CFL2: variants seen among roughly 807,000 people sequenced by gnomAD.
CFL2 encodes cofilin 2.
CFL2 carries 10 observed loss-of-function variants against 19.6 expected under a neutral mutation model. The observed-to-expected ratio is 0.51, with a 90% CI of 0.31 to 0.86. The LOEUF (loss-of-function observed/expected upper bound fraction) is 0.86, where lower values mean the gene tolerates loss of function less well. Among genes scored for constraint, CFL2 ranks in the 40% least tolerant of loss-of-function variants. CFL2 has a pLI of 0.04. For synonymous variants in CFL2, 63 were observed against 66.7 expected, an observed-to-expected ratio of 0.95 and a Z score of 0.27; for missense variants, 125 against 192.1, an observed-to-expected ratio of 0.65 and a Z score of 2.06.
At position 34,712,106 on chromosome 14, in the gene CFL2, A is replaced by C. The variant is rs1289288026; in HGVS notation, c.*759T>G. 1 of 454,450 alleles carries C rather than the reference A, an allele frequency of 2.2e-6. No homozygotes were observed. The highest frequency in any genetic ancestry group is 4.4e-6 in the Non-Finnish European group (1 of 226,784). The allele number at this position is 454,450 out of a possible 1,614,324, so 28.2% of individuals were successfully genotyped here. ...TGTTCCATTTAAGGCTCTTTTATAC[A>C]GAAATTGCCATCATGACTGATATTC... On this transcript the variant is annotated 3_prime_UTR_variant, in exon 4 of 4. Transcript: ENST00000298159.
chr14:34,713,138 T>C lies in CFL2; in HGVS notation c.312-2A>G. 6.4e-7 allele frequency: 1 copy of C among 1,554,358 alleles called. No homozygotes were observed. The highest frequency in any genetic ancestry group is 8.7e-7 in the Non-Finnish European group (1 of 1,154,534). On this transcript the variant is annotated splice_acceptor_variant, in intron 2 of 3. Coordinates refer to ENST00000298159, the MANE Select transcript of CFL2 (RefSeq NM_138638.5). LOFTEE classifies it high-confidence loss of function. ...TTTAAAGGTGCACTTTCAGGAGCCC[T>C]ACAGAAAAAAAAAAAATTATTGAAT...
In CFL2 at chr14:34,713,502, CCTTA is replaced by C; in HGVS notation, c.59_62del (p.Val20GlyfsTer20). 6.2e-7 allele frequency: 1 copy of C among 1,613,946 alleles called. No homozygotes were observed. The highest frequency in any genetic ancestry group is 1.3e-5 in the African/African-American group (1 of 75,022). On this transcript the variant is annotated frameshift_variant, in exon 2 of 4. Coordinates refer to ENST00000298159, the MANE Select transcript of CFL2 (RefSeq NM_138638.5). LOFTEE classifies it high-confidence loss of function. ...TGATCTCCTCTTGTGTAGAAGATTT[CCTTA>C]CTTTCATATCATTAAAAACTTTGAT...
chr14:34,710,624 A>G lies in CFL2; in HGVS notation c.*2241T>C, dbSNP rs1466873532. 4.6e-6 allele frequency: 2 copies of G among 433,366 alleles called. No individual in the cohort carries two copies. The highest frequency in any genetic ancestry group is 4.1e-5 in the African/African-American group (2 of 48,780). 26.8% of individuals were successfully genotyped at this position (433,366 alleles called of 1,614,324 possible). On this transcript the variant is annotated 3_prime_UTR_variant, in exon 4 of 4. Transcript: ENST00000298159. The stretch of plus-strand genomic sequence containing the variant: ...TTCAAATGCCAAATTAATCTCAAAT[A>G]ACAAGTGAACTATTATTAATTTTAT...
rs1315039573 is a variant in CFL2 at position 34,710,617 on chromosome 14, C to T, written c.*2248G>A. The T allele has an allele frequency of 7.0e-6, 3 of 430,456 alleles. No homozygotes were observed. In the East Asian group the frequency reaches 2.1e-4, roughly 30 times the overall value. 26.7% of individuals were successfully genotyped at this position (430,456 alleles called of 1,614,324 possible). ...TGATCATTTCAAATGCCAAATTAAT[C>T]TCAAATAACAAGTGAACTATTATTA... On this transcript the variant is annotated 3_prime_UTR_variant, in exon 4 of 4. Coordinates refer to ENST00000298159, the MANE Select transcript of CFL2 (RefSeq NM_138638.5).
At chr14:34,714,258 G>A in intron 1 of CFL2, 1 of 452,342 alleles carries the variant, frequency 2.2e-6, no homozygotes, top group Non-Finnish European at 3.8e-6. Context: ...GGCGCGAGCG[G>A]CTGCAGTCCG....
In CFL2 at chr14:34,712,493, G is replaced by C. The variant is rs552199121; in HGVS notation, c.*372C>G. On this transcript the variant is annotated 3_prime_UTR_variant, in exon 4 of 4. Transcript: ENST00000298159. The stretch of plus-strand genomic sequence containing the variant: ...ACTATAAATAATACTGAAAAAAGTT[G>C]ACCATCTGACCAGTGGATAATACTT... 4.3e-6 allele frequency: 2 copies of C among 460,948 alleles called. No homozygotes were observed. 28.6% of individuals were successfully genotyped at this position (460,948 alleles called of 1,614,324 possible).
intron 1 of CFL2, 197 bp downstream of exon 1, chr14:34,714,341 C>CA: frequency 1.1e-6 from 1 of 926,032 alleles, no homozygotes; most frequent in Non-Finnish European, 1.5e-6. Flanking sequence ...CTCCCCGCCC[C>CA]CCAAAATCCA....
chr14:34,711,245 A>G lies in CFL2; in HGVS notation c.*1620T>C, dbSNP rs943154114. ...AGCATTCCTCTGAGCTATGGGGTTAAGTTCTGAGCCACGACTGACTGCTTA... is the reference window on the plus strand; with the variant it reads ...AGCATTCCTCTGAGCTATGGGGTTAGGTTCTGAGCCACGACTGACTGCTTA... On this transcript the variant is annotated 3_prime_UTR_variant, in exon 4 of 4. Coordinates refer to ENST00000298159, the MANE Select transcript of CFL2 (RefSeq NM_138638.5). 31 of 454,500 alleles carry G rather than the reference A, an allele frequency of 6.8e-5. No individual in the cohort carries two copies. The highest frequency in any genetic ancestry group is 1.3e-4 in the Non-Finnish European group (29 of 226,780). The allele number at this position is 454,500 out of a possible 1,614,324, so 28.2% of individuals were successfully genotyped here.
Position 34,710,205 on chromosome 14 carries a change from A to C in CFL2, c.*2660T>G, listed in dbSNP as rs2090306914. The C allele has an allele frequency of 5.3e-6, 1 of 189,164 alleles. No homozygotes were observed. The allele number at this position is 189,164 out of a possible 1,614,324, so 11.7% of individuals were successfully genotyped here. A position where few individuals can be genotyped will look rare whatever the true frequency, so the allele number is the denominator to read the frequency against. On this transcript the variant is annotated 3_prime_UTR_variant, in exon 4 of 4. Transcript: ENST00000298159. ...CCACACTATTTTAGATAATGATGGA[A>C]AACAACAGCTGATAGCCAGTTTGGG...
In CFL2 at chr14:34,713,454, G is replaced by A; in HGVS notation, c.111C>T (p.Leu37=). The A allele has an allele frequency of 6.2e-7, 1 of 1,614,062 alleles. No homozygotes were observed. The highest frequency in any genetic ancestry group is 8.5e-7 in the Non-Finnish European group (1 of 1,179,966). The change falls in exon 2 of 4, where the codon CTC becomes CTT. Residue 37 remains leucine (L), a synonymous_variant. Transcript: ENST00000298159. ...GTCTTTTGTCATCGCTTAAACAGAA[G>A]AGAACTGCTTTCTTTCTCTTTTTGA... ...EEIKKRKKAV[L]FCLSDDKRQI...
chr14:34,712,898 A>T lies in CFL2; in HGVS notation c.468T>A (p.Asn156Lys), dbSNP rs1259462814. The T allele has an allele frequency of 1.9e-6, 3 of 1,603,874 alleles. No individual in the cohort carries two copies. The Admixed American group carries it at 5.0e-5, about 27-fold the overall frequency. The change falls in exon 4 of 4, where the codon AAT becomes AAA. Residue 156 changes from asparagine (N) to lysine (K), a missense_variant. Coordinates refer to ENST00000298159, the MANE Select transcript of CFL2 (RefSeq NM_138638.5). ...GTTTTCCTTCAAGTGAAACTACTAC[A>T]TTGCCTCCCAATTTCTCTCCAAGTG... ...RSTLGEKLGG[N>K]VVVSLEGKPL
In CFL2 at chr14:34,711,243, T is replaced by G. The variant is rs1566523045; in HGVS notation, c.*1622A>C. 1 of 454,578 alleles carries G rather than the reference T, an allele frequency of 2.2e-6. No individual in the cohort carries two copies. The highest frequency in any genetic ancestry group is 2.0e-5 in the African/African-American group (1 of 50,140). 28.2% of individuals were successfully genotyped at this position (454,578 alleles called of 1,614,324 possible). Reference sequence around the variant, plus strand: ...AAAGCATTCCTCTGAGCTATGGGGTTAAGTTCTGAGCCACGACTGACTGCT... The same window carrying G: ...AAAGCATTCCTCTGAGCTATGGGGTGAAGTTCTGAGCCACGACTGACTGCT... On this transcript the variant is annotated 3_prime_UTR_variant, in exon 4 of 4. Transcript: ENST00000298159.
chr14:34,713,876 A>T, intron 1 of CFL2: 1 of 1,457,640 alleles, frequency 6.9e-7, no homozygotes, highest in Non-Finnish European at 9.1e-7. Flanking sequence ...CAGCAAAAAT[A>T]CCTTCTGTAT....
At position 34,713,361 on chromosome 14, in the gene CFL2, G is replaced by C; in HGVS notation, c.204C>G (p.Tyr68Ter). The C allele has an allele frequency of 1.2e-6, 2 of 1,613,982 alleles. No individual in the cohort carries two copies. The highest frequency in any genetic ancestry group is 1.7e-6 in the Non-Finnish European group (2 of 1,179,888). The change falls in exon 2 of 4, where the codon TAC becomes TAG. Residue 68 changes from tyrosine to a stop codon, truncating the protein, a stop_gained. Transcript: ENST00000298159. LOFTEE classifies it high-confidence loss of function. The part of the protein sequence containing the change: ...GDIGDTVEDP[Y>*]TSFVKLLPLN... ...GAGGTAGCAACTTCACAAAAGATGTGTAGGGGTCCTCTACAGTATCACCAA... is the reference window on the plus strand; with the variant it reads ...GAGGTAGCAACTTCACAAAAGATGTCTAGGGGTCCTCTACAGTATCACCAA...
Position 34,709,188 on chromosome 14 carries a change from A to T in CFL2, c.*3677T>A, listed in dbSNP as rs143696965. On this transcript the variant is annotated 3_prime_UTR_variant, in exon 4 of 4. Coordinates refer to ENST00000298159, the MANE Select transcript of CFL2 (RefSeq NM_138638.5). ...TAAGAATGAATAGTTTAAACAGATT[A>T]TTGCATTTACATAGCATTTTCCTGT... 513 of 152,260 alleles carry T rather than the reference A, an allele frequency of 3.4e-3. 7 individuals carry two copies. Among genetic ancestry groups the T allele is most frequent in the African/African-American group, 0.012 (482 of 41,546 alleles). 9.4% of individuals were successfully genotyped at this position (152,260 alleles called of 1,614,324 possible).
rs1277299654 is a variant in CFL2 at position 34,711,464 on chromosome 14, G to C, written c.*1401C>G. ...GCCAAATCCCACTACTAATGTTTAA[G>C]ACTGCTATTATCAATTCCTATTCCA... On this transcript the variant is annotated 3_prime_UTR_variant, in exon 4 of 4. Transcript: ENST00000298159. The C allele has an allele frequency of 2.7e-6, 1 of 363,724 alleles. No homozygotes were observed. The highest frequency in any genetic ancestry group is 4.3e-5 in the African/African-American group (1 of 23,016). 22.5% of individuals were successfully genotyped at this position (363,724 alleles called of 1,614,324 possible). A position where few individuals can be genotyped will look rare whatever the true frequency, so the allele number is the denominator to read the frequency against.
At position 34,712,929 on chromosome 14, in the gene CFL2, C is replaced by T. The variant is rs1008143116; in HGVS notation, c.437G>A (p.Arg146His). ...QVNGLDDIKDRSTLGEKLGGN... is the reference protein window; with the variant it reads ...QVNGLDDIKDHSTLGEKLGGN... ...TCCCAATTTCTCTCCAAGTGTCGAA[C>T]GGTCCTTAATATCATCCAAGCCATT... Residue 146 changes from arginine to histidine, a missense_variant, in exon 4 of 4, where the codon CGT (arginine) becomes CAT (histidine). By Grantham distance (29) the Arg-to-His change is conservative (BLOSUM62 0). Transcript: ENST00000298159. The T allele has an allele frequency of 1.2e-6, 2 of 1,611,574 alleles. No individual in the cohort carries two copies. Among genetic ancestry groups the T allele is most frequent in the Non-Finnish European group, 1.7e-6 (2 of 1,177,848 alleles).
chr14:34,713,753 C>T, intron 1 of CFL2, 192 bp from the exon 2 acceptor site: 1 of 1,611,980 alleles, frequency 6.2e-7, no homozygotes, highest in Non-Finnish European at 8.5e-7. Flanking sequence ...TCATCCTGCC[C>T]ATTCATCCTT....
Position 34,709,712 on chromosome 14 carries a change from G to A in CFL2, c.*3153C>T, listed in dbSNP as rs914769719. 6.1e-5 allele frequency: 9 copies of A among 147,918 alleles called. No individual in the cohort carries two copies. The highest frequency in any genetic ancestry group is 1.3e-4 in the Non-Finnish European group (9 of 67,536). 9.2% of individuals were successfully genotyped at this position (147,918 alleles called of 1,614,324 possible). A position where few individuals can be genotyped will look rare whatever the true frequency, so the allele number is the denominator to read the frequency against. On this transcript the variant is annotated 3_prime_UTR_variant, in exon 4 of 4. Transcript: ENST00000298159. ...CTGAGGTGGGAGGATCATCTGAGCT[G>A]GGAAGGTTGAGTTTGAAGTGAGCTG...
Sources: allele counts gnomAD v4.1 joint callset, GRCh38; gene constraint gnomAD v4.1.1; transcripts MANE v1.5; gene names NCBI Gene and HGNC (gene_info 2026-07-23, HGNC 2026-07-21).